Variants in P3H2 observed in about 807,000 individuals in gnomAD.
The protein encoded by P3H2 is prolyl 3-hydroxylase 2.
In P3H2, 80 loss-of-function variants were observed where a neutral mutation model predicts 87.0. The ratio of observed to expected loss-of-function variants is 0.92; its 90% CI spans 0.77 to 1.11. The LOEUF (loss-of-function observed/expected upper bound fraction) is 1.11, where lower values mean the gene tolerates loss of function less well. Ranked by LOEUF, P3H2 falls within the 50% of genes least tolerant of loss-of-function variation. P3H2 has a pLI of 0.00. For synonymous variants in P3H2, 367 were observed against 359.3 expected, an observed-to-expected ratio of 1.02 and a Z score of -0.24; for missense variants, 1,001 against 923.9, an observed-to-expected ratio of 1.08 and a Z score of -1.08.
chr3:189,993,761 G>A (rs944624014), intron 3 of P3H2, among the ~76,000 whole-genome samples: 9 of 152,108 alleles, frequency 5.9e-5, no homozygotes, highest in South Asian at 4.2e-4. Flanking sequence ...ACGTACTTAC[G>A]TGAGAAGAAG....
At chr3:189,959,406 TC>T (rs1226253668) in intron 14 of P3H2, among the ~76,000 whole-genome samples, 6 of 39,404 alleles carry the variant, frequency 1.5e-4, no homozygotes, top group South Asian at 2.2e-3. Flanking sequence ...CCCTCCCCCC[TC>T]CCCCCACCCC....
At chr3:190,090,225 T>C (rs1727363829) in intron 1 of P3H2, among the ~76,000 whole-genome samples, 1 of 152,196 alleles carries the variant, frequency 6.6e-6, no homozygotes, top group African/African-American at 2.4e-5. Context: ...AAGATATCAT[T>C]CGTTTTTATT....
intron 13 of P3H2, among the ~76,000 whole-genome samples, chr3:189,967,073 CTGT>C (rs971534030): frequency 6.6e-6 from 1 of 152,052 alleles, no homozygotes; most frequent in African/African-American, 2.4e-5. Context: ...ATTTCTGTTG[CTGT>C]TGTTGTTGTT....
chr3:190,020,521 C>T lies in P3H2; in HGVS notation c.481-25079G>A. ...ACGATCAGTTCTTTAAGGACTTTCC[C>T]TCCTAGCATCTTTTTTATGGCTCAA... On this transcript the variant is annotated intron_variant, in intron 1 of 14. Coordinates refer to ENST00000319332, the MANE Select transcript of P3H2 (RefSeq NM_018192.4). Among the ~76,000 whole-genome samples the T allele has an allele frequency of 1.5e-5, 2 of 134,170 alleles. 1 individual carries two copies. Among genetic ancestry groups the T allele is most frequent in the Non-Finnish European group, 3.3e-5 (2 of 60,192 alleles). 88.0% of individuals were successfully genotyped at this position (134,170 alleles called of 152,430 possible).
At chr3:189,985,076 G>C (rs1723647989) in intron 6 of P3H2, among the ~76,000 whole-genome samples, 1 of 151,848 alleles carries the variant, frequency 6.6e-6, no homozygotes, top group Non-Finnish European at 1.5e-5. Context: ...TAATATATTA[G>C]AAGGTGTTAT....
intron 1 of P3H2, 114 bp from the exon 2 acceptor site, chr3:189,995,556 G>GGT (rs10645374): frequency 0.027 from 22,971 of 835,686 alleles, 333 homozygotes; most frequent in East Asian, 0.035. Flanking sequence ...AGGAGCCTTG[G>GGT]TTTTTTTTTT....
chr3:190,084,958 A>G (rs1025749169), intron 1 of P3H2, among the ~76,000 whole-genome samples: 4 of 151,986 alleles, frequency 2.6e-5, no homozygotes, highest in Admixed American at 2.6e-4. Flanking sequence ...AACAAAAAAA[A>G]AAAAGAAAGA....
At chr3:189,995,675 CAAGAA>C (rs1724034220) in intron 1 of P3H2, among the ~76,000 whole-genome samples, 1 of 150,260 alleles carries the variant, frequency 6.7e-6, no homozygotes, top group Non-Finnish European at 1.5e-5. Context: ...CTACAGAATG[CAAGAA>C]AATACTTGTA....
At chr3:189,999,135 G>A (rs1022652373) in intron 1 of P3H2, among the ~76,000 whole-genome samples, 2 of 152,218 alleles carry the variant, frequency 1.3e-5, no homozygotes, top group African/African-American at 4.8e-5. Context: ...TTCATACTGA[G>A]AGCTTCCAAT....
chr3:190,090,679 G>T (rs996109735), intron 1 of P3H2, among the ~76,000 whole-genome samples: 1 of 151,206 alleles, frequency 6.6e-6, no homozygotes, highest in African/African-American at 2.5e-5. Context: ...CTCCAGCCTG[G>T]GTGACAGAGC....
intron 3 of P3H2, among the ~76,000 whole-genome samples, chr3:189,993,630 T>C (rs963483689): frequency 6.6e-6 from 1 of 152,150 alleles, no homozygotes; most frequent in Non-Finnish European, 1.5e-5. Context: ...TACTACATTG[T>C]TTATAATAAT....
At chr3:190,074,479 C>T (rs1726804722) in intron 1 of P3H2, among the ~76,000 whole-genome samples, 1 of 151,804 alleles carries the variant, frequency 6.6e-6, no homozygotes, top group African/African-American at 2.4e-5. Flanking sequence ...CCACTGTACC[C>T]CAGCCTGAGT....
At chr3:190,017,944 C>A (rs1323360825) in intron 1 of P3H2, among the ~76,000 whole-genome samples, 1 of 152,124 alleles carries the variant, frequency 6.6e-6, no homozygotes, top group Non-Finnish European at 1.5e-5. Context: ...GAAATACTAG[C>A]CCAAGTACAA....
chr3:190,007,061 G>C (rs1329940345), intron 1 of P3H2, among the ~76,000 whole-genome samples: 1 of 152,196 alleles, frequency 6.6e-6, no homozygotes, highest in African/African-American at 2.4e-5. Context: ...ACTAAAATAC[G>C]TGAGGTAAAA....
intron 7 of P3H2, among the ~76,000 whole-genome samples, chr3:189,984,047 G>A (rs1262038801): frequency 2.0e-5 from 3 of 151,866 alleles, no homozygotes; most frequent in Non-Finnish European, 2.9e-5. Context: ...TGCACGTTGT[G>A]CACATGTACC....
intron 1 of P3H2, among the ~76,000 whole-genome samples, chr3:190,037,850 T>A (rs1719614): frequency 0.8 from 122,357 of 152,010 alleles, 49,302 homozygotes; most frequent in East Asian, 0.86. Flanking sequence ...ATATTTCTAT[T>A]GCAATGAAAG....
chr3:189,972,812 G>A (rs561288980), intron 11 of P3H2, 62 bp downstream of exon 11: 1 of 1,560,342 alleles, frequency 6.4e-7, no homozygotes, highest in Admixed American at 1.7e-5. Flanking sequence ...GCTTTGTTTT[G>A]CCTTGTTTCA....
At chr3:189,958,075 A>T in intron 14 of P3H2, 71 bp from the exon 15 acceptor site, 1 of 1,111,590 alleles carries the variant, frequency 9.0e-7, no homozygotes, top group Non-Finnish European at 1.4e-6. Context: ...ACGCTTCCCA[A>T]ACACTTCCTG....
intron 5 of P3H2, 140 bp downstream of exon 5, chr3:189,987,387 G>A (rs1723735829): frequency 5.7e-6 from 5 of 874,482 alleles, no homozygotes; most frequent in Non-Finnish European, 8.7e-6. Flanking sequence ...GCTGAGGCAG[G>A]AGAATCGCTT....
Sources: gnomAD v4.1 joint callset for allele counts (sites outside exome capture counted in the v4.1 genomes callset) on GRCh38, gnomAD v4.1.1 for gene constraint, MANE v1.5 for transcripts, NCBI Gene and HGNC (gene_info 2026-07-23, HGNC 2026-07-21) for gene names.